Variants in AGAP1 observed in about 807,000 individuals in gnomAD.
AGAP1 encodes ArfGAP with GTPase domain, ankyrin repeat and PH domain 1, also known as arf-GAP with GTPase, ANK repeat and PH domain-containing protein 1.
Under a neutral mutation model 105.3 loss-of-function variants are expected in AGAP1, and 29 were observed. The observed-to-expected ratio is 0.28, with a 90% confidence interval of 0.21 to 0.38. AGAP1 has a LOEUF of 0.38. Among genes scored for constraint, AGAP1 ranks in the 10% least tolerant of loss-of-function variants. AGAP1 has a pLI of 1.00. For missense variants in AGAP1, 998 were observed against 1,165.1 expected (o/e 0.86, Z 2.09); for synonymous variants, 509 against 485.9 (o/e 1.05, Z -0.63).
chr2:235,807,342 T>TC lies in AGAP1; in HGVS notation c.1050+15dup. 6.4e-7 allele frequency: 1 copy of TC among 1,571,752 alleles called. No individual in the cohort carries two copies. Among genetic ancestry groups the TC allele is most frequent in the African/African-American group, 1.4e-5 (1 of 72,080 alleles). On this transcript the variant is annotated intron_variant, in intron 9 of 17. Coordinates refer to ENST00000304032, the MANE Select transcript of AGAP1 (RefSeq NM_001037131.3). ...ATCCCAATTAAACAGGTGAGCAGCC[T>TC]CCCCATCCTTCCCTCCCTGTCGCCG...
intron 9 of AGAP1, among the ~76,000 whole-genome samples, chr2:235,873,743 T>C (rs1327869398): frequency 6.6e-6 from 1 of 152,180 alleles, no homozygotes; most frequent in East Asian, 1.9e-4. Flanking sequence ...TCGTTTTGTT[T>C]TTGAGACGAG....
At chr2:235,593,735 G>A (rs528725220) in intron 1 of AGAP1, among the ~76,000 whole-genome samples, 8 of 152,190 alleles carry the variant, frequency 5.3e-5, no homozygotes, top group Non-Finnish European at 8.8e-5. Context: ...AGGCCAAGGT[G>A]GGAGGACTGT....
chr2:235,915,524 C>T (rs2051834138), intron 11 of AGAP1, among the ~76,000 whole-genome samples: 1 of 151,850 alleles, frequency 6.6e-6, no homozygotes, highest in Non-Finnish European at 1.5e-5. Flanking sequence ...ACAAAAAATG[C>T]AAAAATTTAG....
At chr2:235,589,121 G>A (rs1025117338) in intron 1 of AGAP1, among the ~76,000 whole-genome samples, 6 of 150,954 alleles carry the variant, frequency 4.0e-5, no homozygotes, top group African/African-American at 1.5e-4. Flanking sequence ...CAGGGCCTCT[G>A]GAAGGTTTCA....
chr2:235,634,772 C>G (rs1028947901), intron 1 of AGAP1, among the ~76,000 whole-genome samples: 2 of 151,980 alleles, frequency 1.3e-5, no homozygotes, highest in Non-Finnish European at 2.9e-5. Context: ...TTATTTTGAT[C>G]AAAATAAAAC....
Position 235,655,868 on chromosome 2 carries a change from A to G in AGAP1, c.164-53311A>G, listed in dbSNP as rs1947754088. ...GGCACCATCCTGGATGCTGGGGAAG[A>G]ATCTTTGTTGGAATATGACCCTGGG... On this transcript the variant is annotated intron_variant, in intron 1 of 17. Coordinates refer to ENST00000304032, the MANE Select transcript of AGAP1 (RefSeq NM_001037131.3). This position sits in a 1 kb window ranked among gnomAD's most constrained non-coding sequence, Gnocchi z 4.3. Among the ~76,000 whole-genome samples, 1 of 152,194 alleles carries G rather than the reference A, an allele frequency of 6.6e-6. No homozygotes were observed. The highest frequency in any genetic ancestry group is 1.5e-5 in the Non-Finnish European group (1 of 68,032).
intron 10 of AGAP1, among the ~76,000 whole-genome samples, chr2:235,907,325 G>A (rs2051354054): frequency 6.6e-6 from 1 of 152,120 alleles, no homozygotes; most frequent in Admixed American, 6.5e-5. Flanking sequence ...AATTACGTTG[G>A]CTGAGCACGG....
chr2:235,745,745 G>A (rs752479496), intron 5 of AGAP1, among the ~76,000 whole-genome samples: 1 of 152,240 alleles, frequency 6.6e-6, no homozygotes, highest in Non-Finnish European at 1.5e-5. Context: ...TGCACTAGGT[G>A]TGGTCTAAGT....
intron 1 of AGAP1, among the ~76,000 whole-genome samples, chr2:235,584,107 C>T (rs4558539): frequency 0.02 from 3,020 of 151,696 alleles, 39 homozygotes; most frequent in Non-Finnish European, 0.032. Context: ...GCTCATGGTA[C>T]GCTTGGGGTT....
chr2:235,876,914 C>T (rs1384529555), intron 9 of AGAP1, among the ~76,000 whole-genome samples: 1 of 146,898 alleles, frequency 6.8e-6, no homozygotes, highest in Non-Finnish European at 1.5e-5. Context: ...ATGGCGCAAT[C>T]TTGGCTCACT....
rs145855184 is a variant in AGAP1 at position 235,555,622 on chromosome 2, G to A, written c.163+60773G>A. ...GCTGTGCATGAGCTATGCAGGCCTTGGGGTCTTTTCATCAGATTCCTTTTG... is the reference window on the plus strand; with the variant it reads ...GCTGTGCATGAGCTATGCAGGCCTTAGGGTCTTTTCATCAGATTCCTTTTG... On this transcript the variant is annotated intron_variant, in intron 1 of 17. Transcript: ENST00000304032. The surrounding 1 kb of genome is among the most constrained non-coding windows in gnomAD (Gnocchi z 5.1). Among the ~76,000 whole-genome samples, 90 of 152,344 alleles carry A rather than the reference G, an allele frequency of 5.9e-4. No individual in the cohort carries two copies. Among genetic ancestry groups the A allele is most frequent in the African/African-American group, 2.1e-3 (87 of 41,574 alleles).
intron 1 of AGAP1, among the ~76,000 whole-genome samples, chr2:235,585,085 T>G (rs1439599834): frequency 1.3e-5 from 2 of 152,050 alleles, no homozygotes. Context: ...TTTCTTTAGC[T>G]CTGGTCTTTC....
At chr2:235,532,914 T>A (rs1047821901) in intron 1 of AGAP1, among the ~76,000 whole-genome samples, 1 of 152,194 alleles carries the variant, frequency 6.6e-6, no homozygotes, top group African/African-American at 2.4e-5. Context: ...GCTGCTTTTG[T>A]ATGTTGGCAA....
At position 235,689,665 on chromosome 2, in the gene AGAP1, A is replaced by T. The variant is rs1378237605; in HGVS notation, c.164-19514A>T. Reference sequence around the variant, plus strand: ...ACCTCCCCTAACCTCAAATCTGTGTAATGAAGTATCTGCAACATTTCCACT... The same window carrying T: ...ACCTCCCCTAACCTCAAATCTGTGTTATGAAGTATCTGCAACATTTCCACT... On this transcript the variant is annotated intron_variant, in intron 1 of 17. Coordinates refer to ENST00000304032, the MANE Select transcript of AGAP1 (RefSeq NM_001037131.3). This position sits in a 1 kb window ranked among gnomAD's most constrained non-coding sequence, Gnocchi z 4.2. Among the ~76,000 whole-genome samples, 1 of 152,240 alleles carries T rather than the reference A, an allele frequency of 6.6e-6. No individual in the cohort carries two copies. Among genetic ancestry groups the T allele is most frequent in the African/African-American group, 2.4e-5 (1 of 41,484 alleles).
At chr2:235,826,763 G>T (rs1301709718) in intron 9 of AGAP1, among the ~76,000 whole-genome samples, 2 of 152,068 alleles carry the variant, frequency 1.3e-5, no homozygotes, top group African/African-American at 4.8e-5. Flanking sequence ...TTTTAAAAAT[G>T]TTTTTTTGCA....
chr2:235,749,940 C>T (rs75691300), intron 5 of AGAP1, among the ~76,000 whole-genome samples: 3 of 152,130 alleles, frequency 2.0e-5, no homozygotes, highest in African/African-American at 4.8e-5. Context: ...TTATTAAGTG[C>T]GTCATTGGAC....
intron 9 of AGAP1, among the ~76,000 whole-genome samples, chr2:235,859,348 G>A (rs944977175): frequency 7.3e-5 from 11 of 149,776 alleles, no homozygotes; most frequent in African/African-American, 2.0e-4. Flanking sequence ...TTACTGGCCC[G>A]GTGAGAACCC....
chr2:235,991,037 A>G (rs903994883), intron 13 of AGAP1, among the ~76,000 whole-genome samples: 4 of 152,138 alleles, frequency 2.6e-5, no homozygotes, highest in Non-Finnish European at 4.4e-5. Context: ...CTTCCTGGCC[A>G]GGGAATTGTG....
Position 235,893,656 on chromosome 2 carries a change from G to C in AGAP1, c.1155+10207G>C, listed in dbSNP as rs1196329292. Among the ~76,000 whole-genome samples, 1 of 152,132 alleles carries C rather than the reference G, an allele frequency of 6.6e-6. No homozygotes were observed. The highest frequency in any genetic ancestry group is 1.5e-5 in the Non-Finnish European group (1 of 68,022). On this transcript the variant is annotated intron_variant, in intron 10 of 17. Transcript: ENST00000304032. The surrounding 1 kb of genome is among the most constrained non-coding windows in gnomAD (Gnocchi z 4.7). ...TAGTGTACATCATTGCCTCGGGTGA[G>C]AATGTCCCTTTCTGCCCCATCTAGT...
Sources: allele counts gnomAD v4.1 joint callset (sites outside exome capture counted in the v4.1 genomes callset), GRCh38; gene constraint gnomAD v4.1.1; non-coding constraint Gnocchi (gnomAD v3.1); transcripts MANE v1.5; gene names NCBI Gene and HGNC (gene_info 2026-07-23, HGNC 2026-07-21).